Variants in GTPBP1 observed in about 807,000 individuals in gnomAD.
GTPBP1 encodes the protein GTP-binding protein 1.
Under a neutral mutation model 62.0 loss-of-function variants are expected in GTPBP1, and 23 were observed. The observed-to-expected ratio is 0.37, with a 90% CI of 0.27 to 0.53. The LOEUF is 0.53. GTPBP1 is among the 20% of genes least tolerant of loss of function. The probability of loss-of-function intolerance (pLI) is 0.89; values close to 1 mark genes in which losing one functional copy is unlikely to be tolerated. For missense variants in GTPBP1, 640 were observed against 917.3 expected, an observed-to-expected ratio of 0.70 and a Z score of 3.90; for synonymous variants, 344 against 364.4, an observed-to-expected ratio of 0.94 and a Z score of 0.64.
At position 38,716,992 on chromosome 22, in the gene GTPBP1, A is replaced by C; in HGVS notation, c.826A>C (p.Met276Leu). The stretch of plus-strand genomic sequence containing the variant: ...GACAGGCCATCTGCCTGACTTCTGC[A>C]TGCTCATGGTGAGTGGGAGGCGCCC... Reference protein sequence around the residue: ...GMTGHLPDFCMLMVGSNAGIV... With the variant: ...GMTGHLPDFCLLMVGSNAGIV... Residue 276 changes from methionine (M) to leucine (L), a missense_variant, in exon 4 of 12, where the codon ATG becomes CTG. Transcript: ENST00000216044. This position sits in a 1 kb window ranked among gnomAD's most constrained non-coding sequence, Gnocchi z 5.2. 6.2e-7 allele frequency: 1 copy of C among 1,606,450 alleles called. No homozygotes were observed. Among genetic ancestry groups the C allele is most frequent in the Non-Finnish European group, 8.5e-7 (1 of 1,173,658 alleles).
chr22:38,731,499 G>A lies in GTPBP1; in HGVS notation c.*795G>A, dbSNP rs1228470724. ...CTTGCCACCAACCCAAAGACAGCTG[G>A]TGGGTTTCCCCTTGGAGACAATCCT... On this transcript the variant is annotated 3_prime_UTR_variant, in exon 12 of 12. Transcript: ENST00000216044. The A allele has an allele frequency of 6.5e-6, 1 of 152,818 alleles. No individual in the cohort carries two copies. The highest frequency in any genetic ancestry group is 2.4e-5 in the African/African-American group (1 of 41,470). The allele number at this position is 152,818 out of a possible 1,614,324, so 9.5% of individuals were successfully genotyped here.
chr22:38,741,008 T>G, downstream of GTPBP1: 1 of 1,593,986 alleles, frequency 6.3e-7, no homozygotes, highest in Non-Finnish European at 8.5e-7. Flanking sequence ...GCCCAGTACC[T>G]TTGCCACTCT....
chr22:38,740,623 C>G (rs2092848540), downstream of GTPBP1: 1 of 600,428 alleles, frequency 1.7e-6, no homozygotes, highest in East Asian at 3.0e-5. This position sits in a 1 kb window ranked among gnomAD's most constrained non-coding sequence, Gnocchi z 4.8. Flanking sequence ...TCCCAAGGAG[C>G]TAATTCTGAG....
At chr22:38,739,973 G>T (rs776302979), downstream of GTPBP1, 1 of 1,599,610 alleles carries the variant, frequency 6.3e-7, no homozygotes, top group South Asian at 1.1e-5. This position sits in a 1 kb window ranked among gnomAD's most constrained non-coding sequence, Gnocchi z 6.7. Flanking sequence ...TGTCACCCTG[G>T]GGGGCTTGCA....
At chr22:38,738,502 G>GTCTAC, downstream of GTPBP1, 1 of 1,535,320 alleles carries the variant, frequency 6.5e-7, no homozygotes, top group South Asian at 1.2e-5. The surrounding 1 kb of genome is among the most constrained non-coding windows in gnomAD (Gnocchi z 6.6). Context: ...TCCAGTCCAA[G>GTCTAC]GGTGACCCTG....
chr22:38,736,481 T>TA, downstream of GTPBP1: 5 of 869,500 alleles, frequency 5.8e-6, no homozygotes, highest in South Asian at 3.7e-5. Flanking sequence ...GCCAGATGGC[T>TA]CCCCTGCTCC....
In GTPBP1 at chr22:38,730,632, C is replaced by CCGG; in HGVS notation, c.1941_1943dup (p.Arg649dup). 2 of 1,605,438 alleles carry CCGG rather than the reference C, an allele frequency of 1.2e-6. No homozygotes were observed. The highest frequency in any genetic ancestry group is 1.7e-6 in the Non-Finnish European group (2 of 1,178,340). Reference sequence around the variant, plus strand: ...TTCAGCCTAAGCCCAGCAGTGGAGGCCGGCGACGAGGGGGCCAGCGCCACA... The same window carrying CCGG: ...TTCAGCCTAAGCCCAGCAGTGGAGGCCGGCGGCGACGAGGGGGCCAGCGCCACA... On this transcript the variant is annotated inframe_insertion, in exon 12 of 12. Coordinates refer to ENST00000216044, the MANE Select transcript of GTPBP1 (RefSeq NM_004286.5). The surrounding 1 kb of genome is among the most constrained non-coding windows in gnomAD (Gnocchi z 5.6).
chr22:38,722,957 A>T (rs888563823), intron 5 of GTPBP1: 3 of 910,598 alleles, frequency 3.3e-6, no homozygotes, highest in Non-Finnish European at 5.6e-6. Context: ...TTATGAAGAG[A>T]CCTCTTAGTG....
chr22:38,739,563 A>C (rs1441058182), downstream of GTPBP1: 17 of 1,297,362 alleles, frequency 1.3e-5, no homozygotes, highest in Admixed American at 3.2e-4. The surrounding 1 kb of genome is among the most constrained non-coding windows in gnomAD (Gnocchi z 6.7). Flanking sequence ...AGATGTGGGC[A>C]CACTGCCACC....
In GTPBP1 at chr22:38,716,430, A is replaced by G. The variant is rs984665902; in HGVS notation, c.486-222A>G. ...CAGCACCCAGAAGCTAGTGGGAGTT[A>G]AGGGAGATAGCCGCTGTGGGAGTCT... On this transcript the variant is annotated intron_variant, in intron 3 of 11. Transcript: ENST00000216044. This position sits in a 1 kb window ranked among gnomAD's most constrained non-coding sequence, Gnocchi z 5.2. 1.3e-5 allele frequency among the ~76,000 whole-genome samples: 2 copies of G among 152,078 alleles called. No individual in the cohort carries two copies. Among genetic ancestry groups the G allele is most frequent in the African/African-American group, 4.8e-5 (2 of 41,384 alleles).
At chr22:38,741,126 G>A, downstream of GTPBP1, 1 of 1,503,264 alleles carries the variant, frequency 6.7e-7, no homozygotes, top group South Asian at 1.2e-5. Flanking sequence ...TCTGCTGTCT[G>A]TTAGCGTCTT....
chr22:38,737,739 G>A, downstream of GTPBP1: 1 of 371,404 alleles, frequency 2.7e-6, no homozygotes, highest in Non-Finnish European at 5.3e-6. The surrounding 1 kb of genome is among the most constrained non-coding windows in gnomAD (Gnocchi z 4.1). Context: ...CTGGGGTGGA[G>A]ACTGGGAATC....
In GTPBP1 at chr22:38,727,938, C is replaced by T. The variant is rs1257502107; in HGVS notation, c.1538-45C>T. ...TCACTGCCTCCCGTTGTCCTGAAGC[C>T]ACCAGGTGGCTCCAGCCTATCCTGA... On this transcript the variant is annotated intron_variant, in intron 9 of 11. Coordinates refer to ENST00000216044, the MANE Select transcript of GTPBP1 (RefSeq NM_004286.5). This position sits in a 1 kb window ranked among gnomAD's most constrained non-coding sequence, Gnocchi z 6.5. 1.4e-6 allele frequency: 2 copies of T among 1,479,108 alleles called. No individual in the cohort carries two copies. The highest frequency in any genetic ancestry group is 2.3e-5 in the East Asian group (1 of 44,212). The allele number at this position is 1,479,108 out of a possible 1,614,324, so 91.6% of individuals were successfully genotyped here. A position where few individuals can be genotyped will look rare whatever the true frequency, so the allele number is the denominator to read the frequency against.
chr22:38,722,397 T>C (rs2145869692), intron 5 of GTPBP1, among the ~76,000 whole-genome samples: 1 of 152,362 alleles, frequency 6.6e-6, no homozygotes, highest in Non-Finnish European at 1.5e-5. Context: ...GGACCCTTGA[T>C]CAGAAGCTTT....
chr22:38,717,075 T>C, intron 4 of GTPBP1, 75 bp downstream of exon 4: 1 of 920,332 alleles, frequency 1.1e-6, no homozygotes. Flanking sequence ...AGTCTGAAAC[T>C]GTTCTGAGAC....
Position 38,731,012 on chromosome 22 carries a change from G to T in GTPBP1, c.*308G>T, listed in dbSNP as rs200638136. The T allele has an allele frequency of 2.0e-5, 3 of 148,856 alleles. No individual in the cohort carries two copies. The highest frequency in any genetic ancestry group is 2.0e-4 in the East Asian group (1 of 4,998). 9.2% of individuals were successfully genotyped at this position (148,856 alleles called of 1,614,324 possible). A position where few individuals can be genotyped will look rare whatever the true frequency, so the allele number is the denominator to read the frequency against. On this transcript the variant is annotated 3_prime_UTR_variant, in exon 12 of 12. Transcript: ENST00000216044. ...TTATATGTCTCTGTCTCTCTCTATT[G>T]TGTGTGTGTGTGTGTGTGTGTGTGT...
intron 2 of GTPBP1, among the ~76,000 whole-genome samples, chr22:38,709,883 T>G (rs1472823195): frequency 6.6e-6 from 1 of 152,246 alleles, no homozygotes; most frequent in Non-Finnish European, 1.5e-5. Context: ...GCTTATTCCT[T>G]GTAACAGAAC....
chr22:38,706,142 AGCAAGGTAGGCCCGG>A lies in GTPBP1; in HGVS notation c.190_192+12del. 1 of 1,257,448 alleles carries A rather than the reference AGCAAGGTAGGCCCGG, an allele frequency of 8.0e-7. No homozygotes were observed. 77.9% of individuals were successfully genotyped at this position (1,257,448 alleles called of 1,614,324 possible). A position where few individuals can be genotyped will look rare whatever the true frequency, so the allele number is the denominator to read the frequency against. Reference sequence around the variant, plus strand: ...CGGCGAGCCAGAGCTGGACCTCACCAGCAAGGTAGGCCCGGGCGGCGGCGGCGGGCGCTGAGGGGA... The same window carrying A: ...CGGCGAGCCAGAGCTGGACCTCACCAGCGGCGGCGGCGGGCGCTGAGGGGA... On this transcript the variant is annotated splice_donor_variant and splice_donor_5th_base_variant and coding_sequence_variant and intron_variant, in exon 1 of 12. Coordinates refer to ENST00000216044, the MANE Select transcript of GTPBP1 (RefSeq NM_004286.5). LOFTEE classifies it high-confidence loss of function.
chr22:38,707,736 T>C (rs1454564250), intron 1 of GTPBP1, among the ~76,000 whole-genome samples: 2 of 152,180 alleles, frequency 1.3e-5, no homozygotes, highest in Admixed American at 6.5e-5. Context: ...TTCCTAGAAG[T>C]GTTATTTCAT....
Sources: allele counts gnomAD v4.1 joint callset (sites outside exome capture counted in the v4.1 genomes callset), GRCh38; gene constraint gnomAD v4.1.1; non-coding constraint Gnocchi (gnomAD v3.1); transcripts MANE v1.5; gene names NCBI Gene and HGNC (gene_info 2026-07-23, HGNC 2026-07-21).